SETBP1: variants seen among roughly 807,000 people sequenced by gnomAD.
SETBP1 encodes SET-binding protein.
A neutral mutation model predicts 101.0 loss-of-function variants in SETBP1; 9 were observed. The observed-to-expected ratio is 0.09, with a 90% CI of 0.05 to 0.16. SETBP1 has a LOEUF of 0.16. SETBP1 is among the 10% of genes least tolerant of loss of function. SETBP1 has a pLI of 1.00. For missense variants in SETBP1, 1,858 were observed against 2,033.8 expected (o/e 0.91, Z 1.66); for synonymous variants, 818 against 788.5 (o/e 1.04, Z -0.63).
chr18:44,776,241 G>T (rs1251105991), intron 2 of SETBP1, among the ~76,000 whole-genome samples: 1 of 152,060 alleles, frequency 6.6e-6, no homozygotes, highest in Non-Finnish European at 1.5e-5. Flanking sequence ...CTTCTTCCAG[G>T]GCTCCACCGC....
At chr18:44,974,398 G>A (rs1436143114) in intron 4 of SETBP1, among the ~76,000 whole-genome samples, 2 of 152,188 alleles carry the variant, frequency 1.3e-5, no homozygotes, top group South Asian at 2.1e-4. Flanking sequence ...AGGAGGGGAG[G>A]GAGATGAGAG....
intron 5 of SETBP1, 71 bp downstream of exon 5, chr18:45,038,726 C>T: frequency 6.6e-7 from 1 of 1,521,346 alleles, no homozygotes; most frequent in South Asian, 1.1e-5. Flanking sequence ...CTGAGAATGG[C>T]CTGTTGAATA....
chr18:44,817,383 C>G (rs1287315953), intron 2 of SETBP1, among the ~76,000 whole-genome samples: 2 of 152,012 alleles, frequency 1.3e-5, no homozygotes, highest in African/African-American at 4.8e-5. Context: ...AGAACACAGG[C>G]AAGAATCTAG....
chr18:44,724,548 A>G (rs2069666745), intron 2 of SETBP1, among the ~76,000 whole-genome samples: 1 of 152,322 alleles, frequency 6.6e-6, no homozygotes, highest in East Asian at 1.9e-4. Flanking sequence ...TTTTGATCAG[A>G]TAAGCAAATC....
At chr18:44,688,738 C>T (rs1023794707) in intron 1 of SETBP1, among the ~76,000 whole-genome samples, 39 of 152,154 alleles carry the variant, frequency 2.6e-4, no homozygotes, top group Admixed American at 2.5e-3. Context: ...CAGGCATGAG[C>T]CACCGCGCCT....
chr18:44,706,116 C>T (rs1267442023), intron 2 of SETBP1, among the ~76,000 whole-genome samples: 2 of 152,120 alleles, frequency 1.3e-5, no homozygotes, highest in Non-Finnish European at 2.9e-5. Flanking sequence ...CTCCTTTGGA[C>T]AGGTCTAATT....
In SETBP1 at chr18:45,038,567, G is replaced by A. The variant is rs201600296; in HGVS notation, c.4083G>A (p.Arg1361=). 14 of 1,614,150 alleles carry A rather than the reference G, an allele frequency of 8.7e-6. No homozygotes were observed. The African/African-American group carries it at 1.9e-4, about 22-fold the overall frequency. Residue 1361 remains arginine (R), a synonymous_variant, in exon 5 of 6, where the codon AGG becomes AGA. Transcript: ENST00000649279. Reference sequence around the variant, plus strand: ...GCTCAGTGCCCACCATGATGACCAGGAAGAAGCCAGCCGCAGTTGACAGTG... The same window carrying A: ...GCTCAGTGCCCACCATGATGACCAGAAAGAAGCCAGCCGCAGTTGACAGTG... ...NEGSVPTMMT[R]KKPAAVDSVT... is the part of the protein sequence containing the mutation.
At chr18:45,009,077 C>T (rs2072785533) in intron 4 of SETBP1, among the ~76,000 whole-genome samples, 1 of 152,116 alleles carries the variant, frequency 6.6e-6, no homozygotes, top group Non-Finnish European at 1.5e-5. Flanking sequence ...CCTCAGAAGT[C>T]GTGTTCTCAC....
chr18:44,829,667 G>T (rs1015311543), intron 2 of SETBP1, among the ~76,000 whole-genome samples: 1 of 152,152 alleles, frequency 6.6e-6, no homozygotes, highest in Non-Finnish European at 1.5e-5. Context: ...GAAATTAGTG[G>T]TCTGGTGCAA....
In SETBP1 at chr18:45,068,060, C is replaced by T. The variant is rs895054360; in HGVS notation, c.*4362C>T. The T allele has an allele frequency of 3.9e-5, 6 of 152,080 alleles. No individual in the cohort carries two copies. Among genetic ancestry groups the T allele is most frequent in the Admixed American group, 2.6e-4 (4 of 15,276 alleles). The allele number at this position is 152,080 out of a possible 1,614,324, so 9.4% of individuals were successfully genotyped here. On this transcript the variant is annotated 3_prime_UTR_variant, in exon 6 of 6. Coordinates refer to ENST00000649279, the MANE Select transcript of SETBP1 (RefSeq NM_015559.3). ...TGGGGCACAAGATTGTCTTACAAGT[C>T]GTGCTGGCTAATTTTTAGTTTGTAT...
intron 2 of SETBP1, among the ~76,000 whole-genome samples, chr18:44,759,002 A>G (rs994862394): frequency 5.9e-5 from 9 of 152,218 alleles, no homozygotes; most frequent in Non-Finnish European, 1.3e-4. Flanking sequence ...AACTCTCTTC[A>G]AAACTAGTCT....
intron 4 of SETBP1, among the ~76,000 whole-genome samples, chr18:44,962,816 C>T (rs1328609189): frequency 2.0e-5 from 3 of 152,108 alleles, no homozygotes; most frequent in Admixed American, 6.6e-5. Flanking sequence ...TTTCCATGAT[C>T]TTCAGTGCGG....
rs11663566 is a variant in SETBP1, at chr18:44,863,453, G to T, written c.487-5777G>T. 2.0e-5 allele frequency among the ~76,000 whole-genome samples: 3 copies of T among 152,198 alleles called. No individual in the cohort carries two copies. In the East Asian group the frequency reaches 5.8e-4, roughly 29 times the overall value. ...CCTGCACACATATGATTAGATGTTT[G>T]CCTCGGCTTGCTGGAACAATTTTCC... On this transcript the variant is annotated intron_variant, in intron 2 of 5. Transcript: ENST00000649279.
chr18:44,969,757 T>G (rs927169941), intron 4 of SETBP1, among the ~76,000 whole-genome samples: 2 of 152,198 alleles, frequency 1.3e-5, no homozygotes, highest in African/African-American at 2.4e-5. Context: ...TCCTCCTGAT[T>G]GTTTGGAAAG....
chr18:44,684,446 C>T (rs987213810), intron 1 of SETBP1, among the ~76,000 whole-genome samples: 1 of 151,946 alleles, frequency 6.6e-6, no homozygotes, highest in Non-Finnish European at 1.5e-5. Flanking sequence ...ATTTTGATGC[C>T]CCCCTGAGAT....
At chr18:44,721,362 A>C (rs1008100500) in intron 2 of SETBP1, among the ~76,000 whole-genome samples, 4 of 152,214 alleles carry the variant, frequency 2.6e-5, no homozygotes, top group Non-Finnish European at 5.9e-5. Flanking sequence ...GAAAGACTGC[A>C]TCAAGTGTTT....
chr18:44,929,288 GTCTATA>G (rs2070772147), intron 3 of SETBP1, among the ~76,000 whole-genome samples: 3 of 152,068 alleles, frequency 2.0e-5, no homozygotes. Context: ...TGTTCCATTG[GTCTATA>G]TCTCTGTTTT....
intron 3 of SETBP1, among the ~76,000 whole-genome samples, chr18:44,948,162 T>C (rs562121615): frequency 6.6e-6 from 1 of 152,344 alleles, no homozygotes; most frequent in East Asian, 1.9e-4. Flanking sequence ...GTTTCTACTA[T>C]AAGTTGCAAG....
chr18:44,994,482 A>G (rs1259197734), intron 4 of SETBP1, among the ~76,000 whole-genome samples: 1 of 152,238 alleles, frequency 6.6e-6, no homozygotes, highest in African/African-American at 2.4e-5. Flanking sequence ...GGCATTATAT[A>G]GTAAAATTAA....
Sources: gnomAD v4.1 joint callset for allele counts (sites outside exome capture counted in the v4.1 genomes callset) on GRCh38, gnomAD v4.1.1 for gene constraint, MANE v1.5 for transcripts, NCBI Gene and HGNC (gene_info 2026-07-23, HGNC 2026-07-21) for gene names.